TIAM2: variants seen among roughly 807,000 people sequenced by gnomAD.
TIAM2 encodes the protein rho guanine nucleotide exchange factor TIAM2.
Under a neutral mutation model 152.9 loss-of-function variants are expected in TIAM2, and 80 were observed. The observed-to-expected ratio is 0.52, with a 90% CI of 0.44 to 0.63. The LOEUF is 0.63. TIAM2 is among the 30% of genes least tolerant of loss of function. The probability of loss-of-function intolerance (pLI) is 0.00; values close to 1 mark genes in which losing one functional copy is unlikely to be tolerated. For synonymous variants in TIAM2, 804 were observed against 838.0 expected (o/e 0.96, Z 0.70); for missense variants, 1,965 against 2,120.1 (o/e 0.93, Z 1.44).
At chr6:155,072,432 G>C (rs539927378) in intron 1 of TIAM2, among the ~76,000 whole-genome samples, 23 of 152,198 alleles carry the variant, frequency 1.5e-4, no homozygotes, top group African/African-American at 5.3e-4. Context: ...AGGATTTGAT[G>C]GCCATTTTGG....
chr6:155,002,816 G>C (rs1198870362), intron 1 of TIAM2, among the ~76,000 whole-genome samples: 1 of 151,746 alleles, frequency 6.6e-6, no homozygotes, highest in Non-Finnish European at 1.5e-5. Flanking sequence ...AAGTAGTTGG[G>C]ATTACAGGCA....
At chr6:155,039,261 C>G (rs568202533) in intron 1 of TIAM2, among the ~76,000 whole-genome samples, 19 of 151,954 alleles carry the variant, frequency 1.3e-4, no homozygotes, top group African/African-American at 4.6e-4. Context: ...ATGCCTGAAC[C>G]TGTCTCTTAA....
chr6:155,056,571 A>G (rs1463443111), intron 1 of TIAM2, among the ~76,000 whole-genome samples: 1 of 151,754 alleles, frequency 6.6e-6, no homozygotes, highest in Non-Finnish European at 1.5e-5. Flanking sequence ...GTTTTTTTGC[A>G]CTCTGACCAA....
At position 155,071,465 on chromosome 6, in the gene TIAM2, C is replaced by T. The variant is rs150834709; in HGVS notation, c.-208-18824C>T. ...AGTGCCCAGATATTGTTTACTATGC[C>T]CTGCATCAGGCAGAGCTGAGCAAAG... is the stretch of plus-strand genomic sequence containing the variant. On this transcript the variant is annotated intron_variant, in intron 1 of 26. Transcript: ENST00000682666. Among the ~76,000 whole-genome samples the T allele has an allele frequency of 2.7e-4, 41 of 152,232 alleles. No homozygotes were observed. In the East Asian group the frequency reaches 7.3e-3, roughly 27 times the overall value.
At chr6:155,194,362 A>G (rs1781283675) in intron 14 of TIAM2, among the ~76,000 whole-genome samples, 1 of 152,178 alleles carries the variant, frequency 6.6e-6, no homozygotes, top group Non-Finnish European at 1.5e-5. Flanking sequence ...CAGGGAAAAG[A>G]TGATCAGGGT....
chr6:155,050,233 T>C (rs1002055776), intron 1 of TIAM2, among the ~76,000 whole-genome samples: 7 of 152,232 alleles, frequency 4.6e-5, no homozygotes, highest in African/African-American at 7.2e-5. Flanking sequence ...GGTTTCACCA[T>C]GTTGGCCAGG....
intron 2 of TIAM2, among the ~76,000 whole-genome samples, chr6:155,106,499 GA>G (rs765572178): frequency 4.3e-4 from 65 of 152,122 alleles, no homozygotes; most frequent in Non-Finnish European, 7.6e-4. Context: ...AAAAATGAAA[GA>G]ACTCTAGCAA....
At chr6:155,159,975 A>T (rs906937392) in intron 7 of TIAM2, among the ~76,000 whole-genome samples, 7 of 152,188 alleles carry the variant, frequency 4.6e-5, no homozygotes, top group African/African-American at 1.7e-4. Flanking sequence ...AAACAGAAAC[A>T]GTAGGATGTG....
intron 9 of TIAM2, among the ~76,000 whole-genome samples, chr6:155,165,657 G>A (rs982052085): frequency 2.0e-5 from 3 of 152,254 alleles, no homozygotes; most frequent in Admixed American, 2.0e-4. Context: ...GTGTGGTGGT[G>A]TGCGCCTATA....
chr6:155,163,230 T>C (rs1394205456), intron 7 of TIAM2, among the ~76,000 whole-genome samples: 1 of 152,200 alleles, frequency 6.6e-6, no homozygotes, highest in African/African-American at 2.4e-5. Flanking sequence ...ACTGCATCCT[T>C]GATTACAAGC....
At chr6:155,086,797 G>A (rs1279062884) in intron 1 of TIAM2, among the ~76,000 whole-genome samples, 1 of 151,612 alleles carries the variant, frequency 6.6e-6, no homozygotes, top group Non-Finnish European at 1.5e-5. Flanking sequence ...ATGGCGATAT[G>A]ATGGAAAAGC....
intron 1 of TIAM2, among the ~76,000 whole-genome samples, chr6:155,067,598 T>G (rs780108328): frequency 6.6e-6 from 1 of 151,696 alleles, no homozygotes; most frequent in Non-Finnish European, 1.5e-5. Flanking sequence ...TGTTGTCTGC[T>G]TTGTGCTAAC....
chr6:155,215,003 T>C (rs1781818022), intron 15 of TIAM2, among the ~76,000 whole-genome samples: 1 of 152,114 alleles, frequency 6.6e-6, no homozygotes, highest in Non-Finnish European at 1.5e-5. Context: ...GGCCATGTAT[T>C]TAAAAGTTAA....
rs941647263 is a variant in TIAM2 at position 155,176,850 on chromosome 6, T to G, written c.2396T>G (p.Val799Gly). Reference protein sequence around the residue: ...DELLHIYGSTVDGVPRDNAWE... With the variant: ...DELLHIYGSTGDGVPRDNAWE... ...CTTCTGCATATATATGGTTCAACAGTAGACGGTGTTCCCCGAGACAATGCA... is the reference window on the plus strand; with the variant it reads ...CTTCTGCATATATATGGTTCAACAGGAGACGGTGTTCCCCGAGACAATGCA... Residue 799 changes from valine (V) to glycine (G), a missense_variant, in exon 10 of 27, where the codon GTA (valine) becomes GGA (glycine). Physicochemically the swap from Val to Gly is moderately radical, Grantham distance 109. Transcript: ENST00000682666. The G allele has an allele frequency of 6.2e-7, 1 of 1,613,874 alleles. No homozygotes were observed. The highest frequency in any genetic ancestry group is 1.3e-5 in the African/African-American group (1 of 74,928).
intron 9 of TIAM2, among the ~76,000 whole-genome samples, chr6:155,175,702 A>G (rs567961278): frequency 2.6e-4 from 39 of 152,348 alleles, no homozygotes; most frequent in African/African-American, 5.1e-4. Flanking sequence ...ATGTGAATAT[A>G]AGAACCTACC....
chr6:155,151,391 T>A (rs1372383801), intron 7 of TIAM2, among the ~76,000 whole-genome samples: 1 of 152,232 alleles, frequency 6.6e-6, no homozygotes, highest in Non-Finnish European at 1.5e-5. Flanking sequence ...ACAAACTAAC[T>A]GTGATAACAT....
At chr6:155,037,822 G>A (rs537447240) in intron 1 of TIAM2, among the ~76,000 whole-genome samples, 5 of 152,196 alleles carry the variant, frequency 3.3e-5, no homozygotes, top group African/African-American at 7.2e-5. Flanking sequence ...GAGCCACCGC[G>A]TCCAGCCCTC....
rs1449880654 is a variant in TIAM2, at chr6:155,129,702, G to A, written c.479G>A (p.Arg160Gln). 9 of 1,613,928 alleles carry A rather than the reference G, an allele frequency of 5.6e-6. No individual in the cohort carries two copies. Among genetic ancestry groups the A allele is most frequent in the East Asian group, 2.2e-5 (1 of 44,886 alleles). ...TPPGEDRKSPRVLIKTLGKLD... is the reference protein window; with the variant it reads ...TPPGEDRKSPQVLIKTLGKLD... The stretch of plus-strand genomic sequence containing the variant: ...CCGGGCGAAGACCGCAAGAGCCCCC[G>A]AGTGCTCATCAAAACGCTGGGGAAG... The change falls in exon 4 of 27, where the codon CGA (arginine) becomes CAA (glutamine). Residue 160 changes from arginine (R) to glutamine (Q), a missense_variant. By Grantham distance (43) the Arg-to-Gln change is conservative. Around this residue, in one of 3 missense-constraint regions of TIAM2, gnomAD observed 1,025 missense variants for 1,119.4 expected, o/e 0.92. Coordinates refer to ENST00000682666, the MANE Select transcript of TIAM2 (RefSeq NM_012454.4). The surrounding 1 kb of genome is among the most constrained non-coding windows in gnomAD (Gnocchi z 4.8).
chr6:155,171,578 A>G (rs1205412784), intron 9 of TIAM2, among the ~76,000 whole-genome samples: 2 of 152,214 alleles, frequency 1.3e-5, no homozygotes, highest in African/African-American at 4.8e-5. Flanking sequence ...AAAACCCCAA[A>G]AAACCCCAAA....
Sources: allele counts gnomAD v4.1 joint callset (sites outside exome capture counted in the v4.1 genomes callset), GRCh38; gene constraint gnomAD v4.1.1; regional missense constraint gnomAD v4.1.1; non-coding constraint Gnocchi (gnomAD v3.1); transcripts MANE v1.5; gene names NCBI Gene and HGNC (gene_info 2026-07-23, HGNC 2026-07-21).